DLG2: variants seen among roughly 807,000 people sequenced by gnomAD.
The protein encoded by DLG2 is discs large MAGUK scaffold protein 2.
A neutral mutation model predicts 132.5 loss-of-function variants in DLG2; 45 were observed. That is an observed-to-expected ratio of 0.34 (90% CI 0.27 to 0.44). The LOEUF is 0.44. Ranked by LOEUF, DLG2 falls within the 20% of genes least tolerant of loss-of-function variation. The pLI, the probability that DLG2 is intolerant of heterozygous loss-of-function variation, is 1.00. For missense variants in DLG2, 1,045 were observed against 1,196.9 expected (o/e 0.87, Z 1.87); for synonymous variants, 424 against 419.6 (o/e 1.01, Z -0.13).
chr11:85,582,702 A>C (rs1174774746), intron 3 of DLG2, among the ~76,000 whole-genome samples: 1 of 138,126 alleles, frequency 7.2e-6, no homozygotes, highest in Non-Finnish European at 1.5e-5. Flanking sequence ...AAAAAAAAAA[A>C]AAACTCGTGC....
chr11:85,378,744 A>C (rs1190566199), intron 3 of DLG2, among the ~76,000 whole-genome samples: 1 of 152,182 alleles, frequency 6.6e-6, no homozygotes, highest in Admixed American at 6.6e-5. Flanking sequence ...ACATGCCATT[A>C]AAATATTTTG....
Position 84,423,278 on chromosome 11 carries a change from G to T in DLG2, c.519+111292C>A, listed in dbSNP as rs142219671. Among the ~76,000 whole-genome samples, 527 of 151,816 alleles carry T rather than the reference G, an allele frequency of 3.5e-3. 8 individuals carry two copies. The highest frequency in any genetic ancestry group is 0.012 in the African/African-American group (490 of 41,384). ...TTTTATATTATGTTTATATTTTATC[G>T]CAATAAAAATAATACATTCAGGTTT... On this transcript the variant is annotated intron_variant, in intron 7 of 27. Coordinates refer to ENST00000376104, the MANE Select transcript of DLG2 (RefSeq NM_001142699.3).
intron 3 of DLG2, among the ~76,000 whole-genome samples, chr11:85,328,794 G>T: frequency 7.5e-6 from 1 of 133,496 alleles, no homozygotes; most frequent in Non-Finnish European, 1.6e-5. Flanking sequence ...GCAGGAGAAG[G>T]AAATAAAGGG....
chr11:84,401,547 T>C (rs10898233), intron 7 of DLG2, among the ~76,000 whole-genome samples: 32,540 of 152,000 alleles, frequency 0.21, 4,732 homozygotes, highest in African/African-American at 0.41. Flanking sequence ...AGCAGCTTCA[T>C]TGAGGATTTC....
chr11:85,404,785 T>C (rs1353706776), intron 3 of DLG2, among the ~76,000 whole-genome samples: 1 of 152,042 alleles, frequency 6.6e-6, no homozygotes, highest in African/African-American at 2.4e-5. Context: ...ACATGCTGAC[T>C]CTTAACCCTC....
At chr11:85,521,309 C>G (rs1388131270) in intron 3 of DLG2, among the ~76,000 whole-genome samples, 1 of 152,176 alleles carries the variant, frequency 6.6e-6, no homozygotes, top group Admixed American at 6.5e-5. Context: ...CTTTGCTCTG[C>G]ACTTCTCTCA....
At chr11:85,278,433 T>C (rs1242722952) in intron 4 of DLG2, among the ~76,000 whole-genome samples, 1 of 152,168 alleles carries the variant, frequency 6.6e-6, no homozygotes, top group Admixed American at 6.5e-5. Context: ...GAAACCCGTC[T>C]GTACTAAAAA....
At chr11:84,912,026 T>G (rs909335581) in intron 6 of DLG2, among the ~76,000 whole-genome samples, 2 of 152,228 alleles carry the variant, frequency 1.3e-5, no homozygotes, top group African/African-American at 2.4e-5. Flanking sequence ...TAGCCCATGT[T>G]CTTGGGATCC....
chr11:84,954,675 T>C (rs1472839320), intron 6 of DLG2, among the ~76,000 whole-genome samples: 1 of 152,208 alleles, frequency 6.6e-6, no homozygotes, highest in Non-Finnish European at 1.5e-5. Flanking sequence ...GGGTGCCTCC[T>C]TGACCTTTGT....
chr11:84,062,224 A>G (rs1486775882), intron 10 of DLG2, among the ~76,000 whole-genome samples: 1 of 152,194 alleles, frequency 6.6e-6, no homozygotes, highest in Non-Finnish European at 1.5e-5. Context: ...CAGCTTTAGG[A>G]CTAGCAGTCA....
chr11:85,357,213 T>A (rs893824448), intron 3 of DLG2, among the ~76,000 whole-genome samples: 10 of 150,596 alleles, frequency 6.6e-5, no homozygotes, highest in African/African-American at 2.4e-4. Flanking sequence ...GAGAGCAACC[T>A]ATCAGATTCC....
intron 6 of DLG2, among the ~76,000 whole-genome samples, chr11:84,646,274 G>T (rs1486304173): frequency 6.6e-6 from 1 of 152,122 alleles, no homozygotes; most frequent in Non-Finnish European, 1.5e-5. Flanking sequence ...AATCAGTATG[G>T]AGTACTTGAC....
chr11:84,136,185 C>T (rs11233918), intron 9 of DLG2, among the ~76,000 whole-genome samples: 1 of 152,088 alleles, frequency 6.6e-6, no homozygotes, highest in South Asian at 2.1e-4. Context: ...ACTTAACTTA[C>T]TAAGCCTTAG....
chr11:85,509,490 C>T (rs1418034722), intron 3 of DLG2, among the ~76,000 whole-genome samples: 3 of 151,984 alleles, frequency 2.0e-5, no homozygotes, highest in African/African-American at 7.2e-5. Context: ...CGGTGGAGGG[C>T]TCTGGTTTGT....
intron 7 of DLG2, among the ~76,000 whole-genome samples, chr11:84,465,935 T>C (rs1355994618): frequency 6.6e-6 from 1 of 151,258 alleles, no homozygotes; most frequent in Non-Finnish European, 1.5e-5. Flanking sequence ...CTTCACTTTT[T>C]TAAGGGGAGG....
chr11:84,592,081 T>C (rs757248127), intron 6 of DLG2, among the ~76,000 whole-genome samples: 101 of 152,306 alleles, frequency 6.6e-4, no homozygotes, highest in South Asian at 2.3e-3. Flanking sequence ...CTTGAACTCC[T>C]GAGCTCAAAC....
chr11:85,480,517 T>C (rs1160188), intron 3 of DLG2, among the ~76,000 whole-genome samples: 132,253 of 152,210 alleles, frequency 0.87, 58,457 homozygotes, highest in Middle Eastern at 0.97. Context: ...CATCATAACA[T>C]TTATATGCAA....
chr11:84,318,257 G>A (rs1367349092), intron 7 of DLG2, among the ~76,000 whole-genome samples: 1 of 152,158 alleles, frequency 6.6e-6, no homozygotes, highest in Non-Finnish European at 1.5e-5. Flanking sequence ...TCCATACATA[G>A]TATTTTCAGT....
chr11:84,302,011 T>C (rs1304431853), intron 7 of DLG2, among the ~76,000 whole-genome samples: 2 of 152,152 alleles, frequency 1.3e-5, no homozygotes, highest in African/African-American at 2.4e-5. Context: ...GGGAATACTA[T>C]GCAGCCATAA....
Sources: allele counts gnomAD v4.1 joint callset (sites outside exome capture counted in the v4.1 genomes callset), GRCh38; gene constraint gnomAD v4.1.1; transcripts MANE v1.5; gene names NCBI Gene and HGNC (gene_info 2026-07-23, HGNC 2026-07-21).